Variants in MGMT observed in about 807,000 individuals in gnomAD.
MGMT encodes methylated-DNA--protein-cysteine methyltransferase.
A neutral mutation model predicts 15.9 loss-of-function variants in MGMT; 14 were observed. That is an observed-to-expected ratio of 0.88 (90% CI 0.58 to 1.37). The LOEUF is 1.37. MGMT is among the 40% of genes most tolerant of loss of function. The probability of loss-of-function intolerance (pLI) is 0.00; values close to 1 mark genes in which losing one functional copy is unlikely to be tolerated. For synonymous variants in MGMT, 130 were observed against 118.2 expected (o/e 1.10, Z -0.65); for missense variants, 282 against 268.1 (o/e 1.05, Z -0.36).
chr10:129,608,796 C>A (rs1846924372), intron 2 of MGMT, among the ~76,000 whole-genome samples: 1 of 152,242 alleles, frequency 6.6e-6, no homozygotes, highest in Admixed American at 6.5e-5. Context: ...TGCCCAGGGG[C>A]AGGAGGCCCA....
intron 2 of MGMT, among the ~76,000 whole-genome samples, chr10:129,705,624 G>A (rs1311028422): frequency 2.0e-5 from 3 of 152,188 alleles, no homozygotes; most frequent in Admixed American, 6.5e-5. Flanking sequence ...AGAACTAATC[G>A]CTCCAGAGAT....
At chr10:129,697,907 C>A (rs527636862) in intron 2 of MGMT, among the ~76,000 whole-genome samples, 100 of 152,300 alleles carry the variant, frequency 6.6e-4, no homozygotes, top group African/African-American at 1.8e-3. Flanking sequence ...CATCCCAGAG[C>A]AGGTTCTTGG....
At chr10:129,726,732 C>T (rs1848438566) in intron 3 of MGMT, among the ~76,000 whole-genome samples, 1 of 152,206 alleles carries the variant, frequency 6.6e-6, no homozygotes, top group Non-Finnish European at 1.5e-5. Flanking sequence ...TCTTCTCACT[C>T]TTCCCCTACT....
chr10:129,677,778 C>T (rs778563725), intron 2 of MGMT, among the ~76,000 whole-genome samples: 4 of 152,134 alleles, frequency 2.6e-5, no homozygotes, highest in South Asian at 2.1e-4. Flanking sequence ...GTGGGCCAGC[C>T]GGGGGCGAAG....
At chr10:129,738,443 C>G (rs377471961) in intron 3 of MGMT, among the ~76,000 whole-genome samples, 2 of 152,326 alleles carry the variant, frequency 1.3e-5, no homozygotes, top group African/African-American at 2.4e-5. Flanking sequence ...CACTGACCTG[C>G]GCCCACTGTC....
intron 2 of MGMT, among the ~76,000 whole-genome samples, chr10:129,651,484 G>A (rs73388768): frequency 0.032 from 4,796 of 151,786 alleles, 186 homozygotes; most frequent in African/African-American, 0.09. Flanking sequence ...TTTTACTATA[G>A]CGAACAAATT....
intron 2 of MGMT, among the ~76,000 whole-genome samples, chr10:129,669,156 A>G (rs1298959662): frequency 2.6e-5 from 4 of 152,116 alleles, no homozygotes; most frequent in Non-Finnish European, 5.9e-5. Context: ...AGGTTTCCTG[A>G]TATTTTTGTT....
At chr10:129,688,728 G>T (rs1017576388) in intron 2 of MGMT, among the ~76,000 whole-genome samples, 1 of 152,060 alleles carries the variant, frequency 6.6e-6, no homozygotes, top group African/African-American at 2.4e-5. Flanking sequence ...AAAAGCAATG[G>T]CAACAAAAGC....
At chr10:129,628,283 A>G (rs1052370699) in intron 2 of MGMT, among the ~76,000 whole-genome samples, 5 of 152,226 alleles carry the variant, frequency 3.3e-5, no homozygotes, top group African/African-American at 1.2e-4. Context: ...TTTTTCCAAA[A>G]GCTTTATGAG....
chr10:129,560,659 G>C (rs557505127), intron 2 of MGMT, among the ~76,000 whole-genome samples: 1 of 152,272 alleles, frequency 6.6e-6, no homozygotes, highest in Non-Finnish European at 1.5e-5. Context: ...TATGTGCCCT[G>C]ACAATTCAGC....
intron 1 of MGMT, among the ~76,000 whole-genome samples, chr10:129,494,994 GAGA>G (rs1457554116): frequency 1.3e-5 from 2 of 152,216 alleles, no homozygotes; most frequent in African/African-American, 4.8e-5. Context: ...GGCTGAAGCG[GAGA>G]AGAATAAAAG....
chr10:129,750,460 G>A (rs1267348130), intron 3 of MGMT, among the ~76,000 whole-genome samples: 1 of 150,292 alleles, frequency 6.7e-6, no homozygotes, highest in Non-Finnish European at 1.5e-5. Flanking sequence ...CCACATCCAT[G>A]TATTCAACCA....
chr10:129,560,669 C>T (rs970856949), intron 2 of MGMT, among the ~76,000 whole-genome samples: 2 of 152,118 alleles, frequency 1.3e-5, no homozygotes, highest in Admixed American at 6.5e-5. Flanking sequence ...GACAATTCAG[C>T]GTTAAAGTTC....
chr10:129,692,070 G>T (rs1306212291), intron 2 of MGMT, among the ~76,000 whole-genome samples: 1 of 152,248 alleles, frequency 6.6e-6, no homozygotes, highest in Non-Finnish European at 1.5e-5. Flanking sequence ...CACCCAGTGG[G>T]TGCTCAGGGG....
At chr10:129,703,732 G>A (rs1589946639) in intron 2 of MGMT, among the ~76,000 whole-genome samples, 1 of 152,148 alleles carries the variant, frequency 6.6e-6, no homozygotes, top group Non-Finnish European at 1.5e-5. Context: ...CACCACGGAC[G>A]CCAGCTCATG....
rs553915937 is a variant in MGMT at position 129,739,463 on chromosome 10, C to T, written c.275-19739C>T. Among the ~76,000 whole-genome samples, 182 of 152,352 alleles carry T rather than the reference C, an allele frequency of 1.2e-3. 4 individuals carry two copies. In the South Asian group the frequency reaches 0.036, roughly 31 times the overall value. Reference sequence around the variant, plus strand: ...TTCGAAAAAATTACAGCAGAGTTCACTCTTCTTGGTGTGCAGCAGGAGGTG... The same window carrying T: ...TTCGAAAAAATTACAGCAGAGTTCATTCTTCTTGGTGTGCAGCAGGAGGTG... On this transcript the variant is annotated intron_variant, in intron 3 of 4. Transcript: ENST00000651593.
chr10:129,547,049 C>T (rs762490052), intron 2 of MGMT, among the ~76,000 whole-genome samples: 9 of 152,284 alleles, frequency 5.9e-5, no homozygotes, highest in East Asian at 1.9e-4. Context: ...GAATATCCTC[C>T]GCAGAAACAC....
intron 3 of MGMT, among the ~76,000 whole-genome samples, chr10:129,721,462 A>G (rs1848370505): frequency 1.3e-5 from 2 of 152,266 alleles, no homozygotes; most frequent in African/African-American, 4.8e-5. Flanking sequence ...CAAATTTCAG[A>G]TAAGTGAACC....
intron 2 of MGMT, among the ~76,000 whole-genome samples, chr10:129,640,990 G>A (rs1847322110): frequency 6.6e-6 from 1 of 152,172 alleles, no homozygotes; most frequent in Non-Finnish European, 1.5e-5. Flanking sequence ...AAAGATGTCT[G>A]TCCACTCTTC....
Sources: allele counts gnomAD v4.1 joint callset (sites outside exome capture counted in the v4.1 genomes callset), GRCh38; gene constraint gnomAD v4.1.1; transcripts MANE v1.5; gene names NCBI Gene and HGNC (gene_info 2026-07-23, HGNC 2026-07-21).